The following SSH2 variants were observed in gnomAD, a reference collection of about 807,000 sequenced individuals.
SSH2 encodes protein phosphatase Slingshot homolog 2.
In SSH2, 37 loss-of-function variants were observed where a neutral mutation model predicts 135.2. The ratio of observed to expected loss-of-function variants is 0.27; its 90% confidence interval spans 0.21 to 0.36. The LOEUF is 0.36. Among genes scored for constraint, SSH2 ranks in the 10% least tolerant of loss-of-function variants. SSH2 has a pLI of 1.00. For synonymous variants in SSH2, 628 were observed against 646.2 expected (o/e 0.97, Z 0.43); for missense variants, 1,408 against 1,765.3 (o/e 0.80, Z 3.63).
At chr17:29,796,683 A>G (rs1017392627) in intron 2 of SSH2, among the ~76,000 whole-genome samples, 2 of 152,102 alleles carry the variant, frequency 1.3e-5, no homozygotes, top group African/African-American at 4.8e-5. Flanking sequence ...TTATTCATCT[A>G]TCTGTCCATC....
chr17:29,727,763 G>A (rs570130852), intron 3 of SSH2, among the ~76,000 whole-genome samples: 161 of 152,296 alleles, frequency 1.1e-3, no homozygotes, highest in Non-Finnish European at 2.0e-3. Flanking sequence ...CTAAGATCTG[G>A]AACATGACAA....
chr17:29,762,250 A>G (rs1029141804), intron 3 of SSH2, among the ~76,000 whole-genome samples: 6 of 152,140 alleles, frequency 3.9e-5, no homozygotes, highest in African/African-American at 1.2e-4. Context: ...TGTCGATAAC[A>G]TCTACTAATG....
At chr17:29,644,600 A>G (rs952235868) in intron 14 of SSH2, among the ~76,000 whole-genome samples, 14 of 152,146 alleles carry the variant, frequency 9.2e-5, no homozygotes, top group African/African-American at 3.4e-4. Context: ...CGAGGTCAAG[A>G]GATCGAGACC....
At chr17:29,714,762 C>T (rs2039557595) in intron 3 of SSH2, among the ~76,000 whole-genome samples, 3 of 152,228 alleles carry the variant, frequency 2.0e-5, no homozygotes, top group Non-Finnish European at 4.4e-5. Flanking sequence ...ATTAAACTCA[C>T]TTTCTGATTA....
At chr17:29,802,209 T>G (rs1893174287) in intron 2 of SSH2, among the ~76,000 whole-genome samples, 1 of 152,184 alleles carries the variant, frequency 6.6e-6, no homozygotes, top group South Asian at 2.1e-4. Context: ...ATTCATTCAT[T>G]CAACATTCAT....
At chr17:29,745,775 C>G (rs2040739290) in intron 3 of SSH2, among the ~76,000 whole-genome samples, 1 of 152,106 alleles carries the variant, frequency 6.6e-6, no homozygotes, top group Admixed American at 6.6e-5. Flanking sequence ...ATTTAAGCTA[C>G]CATATCGTAT....
intron 3 of SSH2, among the ~76,000 whole-genome samples, chr17:29,754,754 C>T (rs1567950037): frequency 6.6e-6 from 1 of 152,108 alleles, no homozygotes; most frequent in Admixed American, 6.6e-5. Flanking sequence ...GCAACCTCTG[C>T]CTCTCTGGCT....
At chr17:29,781,473 CTTTTTTTT>C (rs541361010) in intron 3 of SSH2, among the ~76,000 whole-genome samples, 2 of 81,844 alleles carry the variant, frequency 2.4e-5, no homozygotes, top group Admixed American at 1.5e-4. Context: ...CCTGTGTTTT[CTTTTTTTT>C]TTTTTTTTTT....
intron 3 of SSH2, among the ~76,000 whole-genome samples, chr17:29,742,540 C>A (rs1490472812): frequency 1.6e-5 from 2 of 128,132 alleles, no homozygotes; most frequent in East Asian, 4.7e-4. Context: ...CACTATGTTG[C>A]CCAGGCTGGT....
At chr17:29,913,716 C>G (rs979947153) in intron 1 of SSH2, among the ~76,000 whole-genome samples, 2 of 151,552 alleles carry the variant, frequency 1.3e-5, no homozygotes, top group Non-Finnish European at 2.9e-5. Context: ...CTCACCGCAA[C>G]CTCTGCCTCC....
intron 8 of SSH2, among the ~76,000 whole-genome samples, chr17:29,673,272 GA>G (rs1330631950): frequency 6.6e-6 from 1 of 151,268 alleles, no homozygotes; most frequent in Non-Finnish European, 1.5e-5. Flanking sequence ...GTCTCCCTAA[GA>G]AAAAAAGACA....
At chr17:29,873,621 AC>A (rs1421127941) in intron 1 of SSH2, among the ~76,000 whole-genome samples, 4 of 152,186 alleles carry the variant, frequency 2.6e-5, no homozygotes, top group Admixed American at 2.6e-4. Flanking sequence ...AATATAAAAA[AC>A]AAAGCCATAA....
intron 1 of SSH2, chr17:29,928,283 A>C (rs2067106008): frequency 2.8e-6 from 1 of 351,746 alleles, no homozygotes; most frequent in African/African-American, 2.1e-5. Flanking sequence ...ACATAAGAAT[A>C]AATTATATTA....
Position 29,630,905 on chromosome 17 carries a change from A to G in SSH2, c.4289T>C (p.Leu1430Pro), listed in dbSNP as rs1470575697. ...GTCATTTGCCTTTTTCAGTCTCCTA[A>G]GGGGGTGAGTTCTGCCGTGTTGCTG... ...PRQQHGRTHP[L>P]RRLKKANDKK... Residue 1430 changes from leucine to proline, a missense_variant, in exon 16 of 16, where the codon CTT becomes CCT. Transcript: ENST00000540801. The G allele has an allele frequency of 9.4e-6, 15 of 1,602,362 alleles. No homozygotes were observed. The highest frequency in any genetic ancestry group is 1.3e-5 in the Non-Finnish European group (15 of 1,170,918).
At chr17:29,736,992 G>T (rs1242908880) in intron 3 of SSH2, among the ~76,000 whole-genome samples, 1 of 142,762 alleles carries the variant, frequency 7.0e-6, no homozygotes, top group Non-Finnish European at 1.5e-5. Flanking sequence ...CCAGCTACTC[G>T]GGAGGCTGAG....
intron 3 of SSH2, chr17:29,761,541 G>T: frequency 1.7e-6 from 1 of 600,030 alleles, no homozygotes; most frequent in Non-Finnish European, 2.1e-6. Context: ...ATCTCGGGAC[G>T]CCCGCGCGGA....
At chr17:29,811,493 A>T (rs2151327098) in intron 2 of SSH2, among the ~76,000 whole-genome samples, 1 of 152,180 alleles carries the variant, frequency 6.6e-6, no homozygotes, top group African/African-American at 2.4e-5. Context: ...GTAAAAAGCT[A>T]TTCATTGAAG....
intron 1 of SSH2, among the ~76,000 whole-genome samples, chr17:29,906,395 A>C (rs1286213198): frequency 6.6e-6 from 1 of 152,226 alleles, no homozygotes; most frequent in Non-Finnish European, 1.5e-5. Flanking sequence ...TGTAAAACCC[A>C]AAACTATAAA....
intron 3 of SSH2, among the ~76,000 whole-genome samples, chr17:29,733,910 C>CTTT (rs200752788): frequency 1.1e-4 from 14 of 130,516 alleles, no homozygotes; most frequent in African/African-American, 2.6e-4. Flanking sequence ...TAATTTCTTT[C>CTTT]TTTTTTTTTT....
Sources: allele counts gnomAD v4.1 joint callset (sites outside exome capture counted in the v4.1 genomes callset), GRCh38; gene constraint gnomAD v4.1.1; transcripts MANE v1.5; gene names NCBI Gene and HGNC (gene_info 2026-07-23, HGNC 2026-07-21).